GPR143: variants seen among roughly 807,000 people sequenced by gnomAD.
GPR143 encodes the protein G protein-coupled receptor 143, also known as G-protein coupled receptor 143.
GPR143 carries 8 observed loss-of-function variants against 27.6 expected under a neutral mutation model. The observed-to-expected ratio is 0.29, with a 90% CI of 0.17 to 0.52. The LOEUF (loss-of-function observed/expected upper bound fraction) is 0.52. Ranked by LOEUF, GPR143 falls within the 20% of genes least tolerant of loss-of-function variation. GPR143 has a pLI of 0.96. For synonymous variants in GPR143, 156 were observed against 153.2 expected (o/e 1.02, Z -0.13); for missense variants, 303 against 343.1 (o/e 0.88, Z 0.92).
intron 3 of GPR143, among the ~76,000 whole-genome samples, chrX:9,757,104 A>G (rs1362292667): frequency 8.9e-6 from 1 of 112,746 alleles, no homozygotes; most frequent in Non-Finnish European, 1.9e-5. Flanking sequence ...GTAGGCTGCT[A>G]TAACAAAATA....
rs773515821 is a variant in GPR143 at position 9,765,612 on chromosome X, C to A, written c.206G>T (p.Arg69Leu). The change falls in exon 1 of 9, where the codon CGC becomes CTC. Residue 69 changes from arginine to leucine, a missense_variant. Physicochemically the swap from Arg to Leu is moderately radical, Grantham distance 102. Transcript: ENST00000467482. ...SPATSPPASV[R>L]ILRAAAACDL... ...GCAGGCAGCGGCAGCGCGCAGGATG[C>A]GGACCGAGGCCGGCGGGGACGTCGC... 8 of 1,003,521 alleles carry A rather than the reference C, an allele frequency of 8.0e-6. No homozygotes were observed. In the East Asian group the frequency reaches 2.5e-4, roughly 32 times the overall value. The allele number at this position is 1,003,521 out of a possible 1,213,427, so 82.7% of individuals were successfully genotyped here. A position where few individuals can be genotyped will look rare whatever the true frequency, so the allele number is the denominator to read the frequency against.
chrX:9,770,197 C>T (rs748449800), upstream of GPR143, among the ~76,000 whole-genome samples: 5 of 89,840 alleles, frequency 5.6e-5, no homozygotes, highest in East Asian at 1.9e-3. Flanking sequence ...AAAAGCCGGG[C>T]TCAGTGGCTC....
chrX:9,755,960 T>TA (rs1277847112), intron 3 of GPR143, among the ~76,000 whole-genome samples: 2 of 111,597 alleles, frequency 1.8e-5, no homozygotes, highest in Non-Finnish European at 3.8e-5. Flanking sequence ...TTCAGATGTG[T>TA]AAGAGTTTGG....
At chrX:9,753,612 T>C (rs1189625774) in intron 3 of GPR143, among the ~76,000 whole-genome samples, 1 of 111,075 alleles carries the variant, frequency 9.0e-6, no homozygotes, top group African/African-American at 3.3e-5. Flanking sequence ...AACCTGAACC[T>C]GAGGTTTCCC....
rs2083322053 is a variant in GPR143 at position 9,725,643 on chromosome X, T to A, written c.*103A>T. On this transcript the variant is annotated 3_prime_UTR_variant, in exon 9 of 9. Coordinates refer to ENST00000467482, the MANE Select transcript of GPR143 (RefSeq NM_000273.3). ...GATGAGAGCAAGGTTTGGGGGCCGC[T>A]ACACTTCGGCAGTGCAGTGTTGGGA... is the stretch of plus-strand genomic sequence containing the variant. 26 of 635,592 alleles carry A rather than the reference T, an allele frequency of 4.1e-5. 3 individuals carry two copies. The Middle Eastern group carries it at 8.0e-3, about 195-fold the overall frequency. The allele number at this position is 635,592 out of a possible 1,213,427, so 52.4% of individuals were successfully genotyped here.
chrX:9,728,005 T>C (rs1443042263), intron 8 of GPR143, among the ~76,000 whole-genome samples: 4 of 112,725 alleles, frequency 3.5e-5, no homozygotes, highest in Admixed American at 9.3e-5. Context: ...TATTACGTCA[T>C]GCTCAGGAAG....
At chrX:9,750,061 G>A (rs899581356) in intron 3 of GPR143, among the ~76,000 whole-genome samples, 3 of 109,705 alleles carry the variant, frequency 2.7e-5, no homozygotes, top group African/African-American at 3.3e-5. Flanking sequence ...CCATAGCGGC[G>A]GCCCTTTCTT....
chrX:9,752,266 C>T (rs1475578593), intron 3 of GPR143, among the ~76,000 whole-genome samples: 1 of 111,618 alleles, frequency 9.0e-6, no homozygotes, highest in Admixed American at 9.6e-5. Context: ...TGGAGTCTTG[C>T]TATGTTGCCC....
At chrX:9,737,960 G>T (rs957393875) in intron 8 of GPR143, among the ~76,000 whole-genome samples, 1 of 111,745 alleles carries the variant, frequency 8.9e-6, no homozygotes, top group Non-Finnish European at 1.9e-5. Context: ...TGTTCCTTCC[G>T]CTACACTCTA....
upstream of GPR143, among the ~76,000 whole-genome samples, chrX:9,769,228 C>G (rs1322153506): frequency 9.0e-6 from 1 of 111,626 alleles, no homozygotes; most frequent in Admixed American, 9.6e-5. Context: ...CACCTGAATT[C>G]GCTCTCCATT....
intron 3 of GPR143, among the ~76,000 whole-genome samples, chrX:9,755,639 G>A (rs1457811059): frequency 2.7e-5 from 3 of 111,070 alleles, no homozygotes; most frequent in Non-Finnish European, 5.7e-5. Flanking sequence ...TGCCCAGAAT[G>A]TAGGTGTGAT....
At chrX:9,731,770 T>C (rs2083354638) in intron 8 of GPR143, among the ~76,000 whole-genome samples, 1 of 87,741 alleles carries the variant, frequency 1.1e-5, no homozygotes, top group African/African-American at 4.2e-5. Flanking sequence ...TGAGAGAGAA[T>C]AGGGAATTGT....
chrX:9,750,199 A>T (rs773539562), intron 3 of GPR143, among the ~76,000 whole-genome samples: 12 of 112,185 alleles, frequency 1.1e-4, no homozygotes, highest in African/African-American at 3.9e-4. Flanking sequence ...GTTATGTACC[A>T]GTATTTGTTT....
rs772169542 is a variant in GPR143 at position 9,743,644 on chromosome X, T to C, written c.688A>G (p.Ile230Val). ...VASLLKGRQGIYTENERRMGA... is the reference protein window; with the variant it reads ...VASLLKGRQGVYTENERRMGA... ...ATCCTCCTCTCGTTCTCCGTGTAAA[T>C]GCCTTGTCTTCCTTTAAGTAAAGAG... Residue 230 changes from isoleucine to valine, a missense_variant, in exon 6 of 9, where the codon ATT becomes GTT. Ile to Val is a conservative substitution (Grantham distance 29). Transcript: ENST00000467482. 7 of 1,170,570 alleles carry C rather than the reference T, an allele frequency of 6.0e-6. No individual in the cohort carries two copies. In the East Asian group the frequency reaches 2.1e-4, roughly 35 times the overall value.
chrX:9,760,885 C>A (rs1424959171), intron 1 of GPR143, 59 bp from the exon 2 acceptor site: 3 of 600,076 alleles, frequency 5.0e-6, no homozygotes, highest in Non-Finnish European at 8.1e-6. Flanking sequence ...AAGCTGACTT[C>A]TTGCTTTGGA....
At chrX:9,770,207 C>T (rs772028211), upstream of GPR143, among the ~76,000 whole-genome samples, 1 of 98,201 alleles carries the variant, frequency 1.0e-5, no homozygotes, top group South Asian at 5.6e-4. Flanking sequence ...CTCAGTGGCT[C>T]ACACCTGTAA....
At chrX:9,751,124 T>C (rs1339259466) in intron 3 of GPR143, among the ~76,000 whole-genome samples, 1 of 112,756 alleles carries the variant, frequency 8.9e-6, no homozygotes, top group Non-Finnish European at 1.9e-5. Context: ...TCCTCTCAGC[T>C]GGGTGAACAC....
At position 9,760,728 on chromosome X, in the gene GPR143, C is replaced by T. The variant is rs137938780; in HGVS notation, c.349G>A (p.Val117Met). Reference protein sequence around the residue: ...HTEIWPAAFCVGSAMWIQLLY... With the variant: ...HTEIWPAAFCMGSAMWIQLLY... ...GGGGGTGGACTCACCGCACTCCCCA[C>T]GCAGAAAGCAGCAGGCCAAATTTCC... The change falls in exon 2 of 9, where the codon GTG becomes ATG. Residue 117 changes from valine (V) to methionine (M), a missense_variant. By Grantham distance (21) the Val-to-Met change is conservative. Coordinates refer to ENST00000467482, the MANE Select transcript of GPR143 (RefSeq NM_000273.3). 6.0e-5 allele frequency: 70 copies of T among 1,171,745 alleles called. No individual in the cohort carries two copies. The African/African-American group carries it at 7.3e-4, about 12-fold the overall frequency.
In GPR143 at chrX:9,765,771, G is replaced by T. The variant is rs759893573; in HGVS notation, c.47C>A (p.Ala16Glu). The change falls in exon 1 of 9, where the codon GCA (alanine) becomes GAA (glutamate). Residue 16 changes from alanine (A) to glutamate (E), a missense_variant. Physicochemically the swap from Ala to Glu is moderately radical, Grantham distance 107 (BLOSUM62 -1). Coordinates refer to ENST00000467482, the MANE Select transcript of GPR143 (RefSeq NM_000273.3). ...GAAGCTCAGCACGAGCTGCGTGGCT[G>T]CGTCCCGCGTGGGGCAGCAGAAGGT... ...LGTFCCPTRD[A>E]ATQLVLSFQP... 1.3e-4 allele frequency: 151 copies of T among 1,123,577 alleles called. No individual in the cohort carries two copies. Among genetic ancestry groups the T allele is most frequent in the Admixed American group, 2.0e-4 (7 of 35,743 alleles). 92.6% of individuals were successfully genotyped at this position (1,123,577 alleles called of 1,213,427 possible). A position where few individuals can be genotyped will look rare whatever the true frequency, so the allele number is the denominator to read the frequency against.
Sources: allele counts gnomAD v4.1 joint callset (sites outside exome capture counted in the v4.1 genomes callset), GRCh38; gene constraint gnomAD v4.1.1; transcripts MANE v1.5; gene names NCBI Gene and HGNC (gene_info 2026-07-23, HGNC 2026-07-21).